BTD: variants seen among roughly 807,000 people sequenced by gnomAD.
The protein encoded by BTD is biotinidase.
A neutral mutation model predicts 17.7 loss-of-function variants in BTD; 13 were observed. That is an observed-to-expected ratio of 0.74 (90% CI 0.48 to 1.17). The LOEUF is 1.17. Among genes scored for constraint, BTD ranks in the 50% most tolerant of loss-of-function variants. The probability of loss-of-function intolerance (pLI) is 0.00; values close to 1 mark genes in which losing one functional copy is unlikely to be tolerated. For missense variants in BTD, 674 were observed against 650.4 expected (o/e 1.04, Z -0.39); for synonymous variants, 240 against 245.2 (o/e 0.98, Z 0.20).
chr3:15,619,928 AG>A (rs1267466799), intron 1 of BTD, among the ~76,000 whole-genome samples: 1 of 152,222 alleles, frequency 6.6e-6, no homozygotes, highest in Non-Finnish European at 1.5e-5. Context: ...AGGGAGTGTA[AG>A]AACAGAGAGT....
intron 3 of BTD, chr3:15,677,559 A>G (rs756116905): frequency 1.2e-6 from 2 of 1,609,858 alleles, no homozygotes; most frequent in Non-Finnish European, 1.7e-6. Context: ...GCTAACCAGC[A>G]TCTCTGGGAG....
chr3:15,601,607 G>C (rs774415182), upstream of BTD: 24 of 1,569,232 alleles, frequency 1.5e-5, no homozygotes, highest in African/African-American at 3.2e-4. Context: ...TAAACAACGG[G>C]AAGGAAGAGG....
chr3:15,674,046 C>T (rs931964921), intron 3 of BTD, among the ~76,000 whole-genome samples: 33 of 151,406 alleles, frequency 2.2e-4, no homozygotes, highest in African/African-American at 7.8e-4. Flanking sequence ...GTGATGCATA[C>T]TTATAGTGCT....
In BTD at chr3:15,690,056, T is replaced by C. The variant is rs775935628; in HGVS notation, c.400-20004T>C. ...TAGGTGTCCTCTTCAAAATGTAATCTTTTACTAAGATTGAGGCTCCCTGAT... is the reference window on the plus strand; with the variant it reads ...TAGGTGTCCTCTTCAAAATGTAATCCTTTACTAAGATTGAGGCTCCCTGAT... On this transcript the variant is annotated intron_variant, in intron 3 of 3. Coordinates refer to the BTD transcript ENST00000672141. The C allele has an allele frequency of 4.0e-5, 65 of 1,611,528 alleles. No individual in the cohort carries two copies. In the East Asian group the frequency reaches 1.4e-3, roughly 35 times the overall value.
At chr3:15,716,256 A>C (rs2073021227), downstream of BTD, among the ~76,000 whole-genome samples, 1 of 150,346 alleles carries the variant, frequency 6.7e-6, no homozygotes, top group Admixed American at 6.6e-5. Context: ...TGCTAGGATT[A>C]CAGGCATGAG....
At chr3:15,609,987 T>C (rs1420167295) in intron 1 of BTD, among the ~76,000 whole-genome samples, 2 of 152,240 alleles carry the variant, frequency 1.3e-5, no homozygotes, top group Non-Finnish European at 2.9e-5. Flanking sequence ...TAAAGTTTTA[T>C]TTTTCATATT....
At chr3:15,668,770 T>A (rs531897767) in intron 3 of BTD, 2 of 152,760 alleles carry the variant, frequency 1.3e-5, no homozygotes, top group African/African-American at 4.8e-5. Context: ...CAAAATACTG[T>A]TCTGTGTTTT....
chr3:15,629,221 G>A (rs922015566), intron 1 of BTD, among the ~76,000 whole-genome samples: 7 of 152,282 alleles, frequency 4.6e-5, no homozygotes, highest in Admixed American at 2.6e-4. Context: ...TCAGAATATA[G>A]GATATACATT....
At chr3:15,701,059 T>C (rs1209049265) in intron 3 of BTD, among the ~76,000 whole-genome samples, 3 of 152,162 alleles carry the variant, frequency 2.0e-5, no homozygotes, top group Admixed American at 6.5e-5. Context: ...ATACTCCTTA[T>C]TAAAAGTTTC....
Position 15,648,682 on chromosome 3 carries a change from A to T in BTD, c.*3194A>T, listed in dbSNP as rs924079631. Among the ~76,000 whole-genome samples the T allele has an allele frequency of 5.3e-5, 8 of 152,220 alleles. No homozygotes were observed. The highest frequency in any genetic ancestry group is 8.8e-5 in the Non-Finnish European group (6 of 68,034). On this transcript the variant is annotated 3_prime_UTR_variant, in exon 4 of 4. Transcript: ENST00000643237. Reference sequence around the variant, plus strand: ...AAATTGCGTCTTCCCCAAAAAAGATACGTTGTAGTCCTAACCCCCAATAGC... The same window carrying T: ...AAATTGCGTCTTCCCCAAAAAAGATTCGTTGTAGTCCTAACCCCCAATAGC...
At chr3:15,601,935 AG>A (rs1559571149) in intron 1 of BTD, 41 bp downstream of exon 1, 1 of 1,611,572 alleles carries the variant, frequency 6.2e-7, no homozygotes, top group Non-Finnish European at 8.5e-7. Flanking sequence ...GGGTGTGGTA[AG>A]GGCGTGCGGT....
At chr3:15,607,509 G>T (rs761857008) in intron 1 of BTD, among the ~76,000 whole-genome samples, 2 of 152,182 alleles carry the variant, frequency 1.3e-5, no homozygotes, top group Non-Finnish European at 2.9e-5. Context: ...GCTTCTACAG[G>T]CAGTAACTCT....
At chr3:15,655,263 G>A (rs1206085818), downstream of BTD, among the ~76,000 whole-genome samples, 2 of 152,144 alleles carry the variant, frequency 1.3e-5, no homozygotes, top group Admixed American at 6.5e-5. Flanking sequence ...CATGCTGGGA[G>A]TTTGACGTAT....
At chr3:15,618,184 C>G (rs2064845588) in intron 1 of BTD, among the ~76,000 whole-genome samples, 1 of 152,166 alleles carries the variant, frequency 6.6e-6, no homozygotes, top group Admixed American at 6.5e-5. Flanking sequence ...GGCTGGTGGT[C>G]TCAAACTCCT....
At chr3:15,658,199 A>C (rs759508442), downstream of BTD, among the ~76,000 whole-genome samples, 17 of 151,616 alleles carry the variant, frequency 1.1e-4, no homozygotes, top group Non-Finnish European at 1.9e-4. Flanking sequence ...AAGAAAAAGG[A>C]AATGGAGGGA....
At chr3:15,638,059 C>T (rs911152872) in intron 2 of BTD, among the ~76,000 whole-genome samples, 16 of 152,160 alleles carry the variant, frequency 1.1e-4, no homozygotes, top group African/African-American at 3.1e-4. Context: ...TTTCCTTACA[C>T]GATGACATGT....
chr3:15,676,815 G>T, intron 3 of BTD: 2 of 519,194 alleles, frequency 3.9e-6, no homozygotes, highest in Non-Finnish European at 6.7e-6. Flanking sequence ...GCTTTTAGTT[G>T]TGATCATTTT....
chr3:15,677,456 C>T (rs1250209239), intron 3 of BTD: 1 of 1,551,772 alleles, frequency 6.4e-7, no homozygotes, highest in Non-Finnish European at 8.9e-7. Context: ...ACAATGGAAA[C>T]ATATTCTTAA....
intron 3 of BTD, chr3:15,685,096 C>G: frequency 1.2e-6 from 1 of 848,926 alleles, no homozygotes; most frequent in Non-Finnish European, 1.9e-6. Flanking sequence ...ATTATTAGTA[C>G]GTGAGCCTAT....
Sources: allele counts gnomAD v4.1 joint callset (sites outside exome capture counted in the v4.1 genomes callset), GRCh38; gene constraint gnomAD v4.1.1; transcripts MANE v1.5; gene names NCBI Gene and HGNC (gene_info 2026-07-23, HGNC 2026-07-21).